PARD6G: variants seen among roughly 807,000 people sequenced by gnomAD.
PARD6G encodes partitioning defective 6 homolog gamma.
Under a neutral mutation model 10.7 loss-of-function variants are expected in PARD6G, and 7 were observed. The ratio of observed to expected loss-of-function variants is 0.66; its 90% CI spans 0.37 to 1.23. The LOEUF (loss-of-function observed/expected upper bound fraction) is 1.23, where lower values mean the gene tolerates loss of function less well. Ranked by LOEUF, PARD6G falls within the 50% of genes most tolerant of loss-of-function variation. The pLI is 0.02. For missense variants in PARD6G, 548 were observed against 571.8 expected, an observed-to-expected ratio of 0.96 and a Z score of 0.42; for synonymous variants, 287 against 269.4, an observed-to-expected ratio of 1.07 and a Z score of -0.64.
At chr18:80,187,730 G>C (rs1250211153) in intron 2 of PARD6G, 1 of 152,176 alleles carries the variant, frequency 6.6e-6, no homozygotes, top group Admixed American at 6.5e-5. Context: ...ATGCTTTGCA[G>C]GGTCAGGCCC....
rs995814162 is a variant in PARD6G, at chr18:80,182,987, G to A, written c.295+19723C>T. ...CCTCCCAGTCCTCCTTCGTCCTGAC[G>A]TGGCTCCCAGTGGAATGAGATGGCT... On this transcript the variant is annotated intron_variant, in intron 2 of 2. Coordinates refer to ENST00000353265, the MANE Select transcript of PARD6G (RefSeq NM_032510.4). This position sits in a 1 kb window ranked among gnomAD's most constrained non-coding sequence, Gnocchi z 4.5. 4 of 659,102 alleles carry A rather than the reference G, an allele frequency of 6.1e-6. No individual in the cohort carries two copies. Among genetic ancestry groups the A allele is most frequent in the Admixed American group, 2.2e-5 (1 of 46,220 alleles). The allele number at this position is 659,102 out of a possible 1,614,324, so 40.8% of individuals were successfully genotyped here.
chr18:80,237,606 C>A (rs1474101682), intron 1 of PARD6G, among the ~76,000 whole-genome samples: 1 of 152,126 alleles, frequency 6.6e-6, no homozygotes, highest in Non-Finnish European at 1.5e-5. Context: ...ACTCATCTGA[C>A]AAAGGGCTAA....
rs1014304694 is a variant in PARD6G at position 80,159,558 on chromosome 18, A to G, written c.*213T>C. Reference sequence around the variant, plus strand: ...GCCAAGACCTGCACTCAGGCCTGGTATAGAGTGTCTCTACAGGCGTTCATT... The same window carrying G: ...GCCAAGACCTGCACTCAGGCCTGGTGTAGAGTGTCTCTACAGGCGTTCATT... On this transcript the variant is annotated 3_prime_UTR_variant, in exon 3 of 3. Transcript: ENST00000353265. The G allele has an allele frequency of 1.7e-5, 11 of 658,568 alleles. No homozygotes were observed. The highest frequency in any genetic ancestry group is 3.8e-5 in the African/African-American group (2 of 52,600). The allele number at this position is 658,568 out of a possible 1,614,324, so 40.8% of individuals were successfully genotyped here.
intron 1 of PARD6G, among the ~76,000 whole-genome samples, chr18:80,237,122 A>C (rs910315822): frequency 3.9e-5 from 6 of 152,040 alleles, no homozygotes; most frequent in African/African-American, 1.5e-4. Context: ...ACAGTAACCA[A>C]AACAGCATGG....
At chr18:80,176,788 G>A (rs62101568) in intron 2 of PARD6G, among the ~76,000 whole-genome samples, 33,492 of 152,034 alleles carry the variant, frequency 0.22, 5,083 homozygotes, top group African/African-American at 0.43. Flanking sequence ...GTGCCGCGGC[G>A]GCCACAGGCA....
intron 2 of PARD6G, among the ~76,000 whole-genome samples, chr18:80,185,750 G>A (rs903657842): frequency 1.5e-5 from 2 of 131,718 alleles, no homozygotes; most frequent in African/African-American, 2.9e-5. Context: ...AGACATGCTC[G>A]CACACCCTCA....
intron 2 of PARD6G, among the ~76,000 whole-genome samples, chr18:80,166,529 C>A (rs965785466): frequency 7.4e-5 from 11 of 148,986 alleles, no homozygotes; most frequent in African/African-American, 2.7e-4. Flanking sequence ...GTTACAGCCT[C>A]CTCCATGGTC....
intron 1 of PARD6G, among the ~76,000 whole-genome samples, chr18:80,236,752 C>T (rs1391763483): frequency 1.3e-5 from 2 of 152,136 alleles, no homozygotes; most frequent in Non-Finnish European, 2.9e-5. Context: ...TTCACAATTG[C>T]TTCAAAGACA....
intron 1 of PARD6G, among the ~76,000 whole-genome samples, chr18:80,211,622 G>T (rs1316945584): frequency 6.6e-6 from 1 of 152,222 alleles, no homozygotes; most frequent in East Asian, 1.9e-4. Flanking sequence ...CATGTCCATA[G>T]CAGCATCATT....
At chr18:80,218,061 A>T (rs1036919729) in intron 1 of PARD6G, among the ~76,000 whole-genome samples, 5 of 152,172 alleles carry the variant, frequency 3.3e-5, no homozygotes, top group Admixed American at 2.6e-4. Flanking sequence ...CATGGGGATT[A>T]TAGGAACTAC....
intron 2 of PARD6G, among the ~76,000 whole-genome samples, chr18:80,176,906 T>A (rs189909666): frequency 8.1e-6 from 1 of 123,972 alleles, no homozygotes; most frequent in East Asian, 2.7e-4. Flanking sequence ...CACACACACA[T>A]ACACACACAG....
At chr18:80,219,498 C>T (rs1967207368) in intron 1 of PARD6G, among the ~76,000 whole-genome samples, 1 of 151,994 alleles carries the variant, frequency 6.6e-6, no homozygotes, top group Admixed American at 6.5e-5. Flanking sequence ...GCGTGAGCCA[C>T]TGCGCCCAGC....
At chr18:80,205,398 T>C (rs1267336172) in intron 1 of PARD6G, among the ~76,000 whole-genome samples, 1 of 152,224 alleles carries the variant, frequency 6.6e-6, no homozygotes, top group African/African-American at 2.4e-5. Context: ...AGCTCATATA[T>C]ACTCACACGG....
intron 1 of PARD6G, among the ~76,000 whole-genome samples, chr18:80,241,393 T>G (rs1229771012): frequency 6.6e-6 from 1 of 152,194 alleles, no homozygotes; most frequent in Non-Finnish European, 1.5e-5. Flanking sequence ...ATCTGTATAG[T>G]GGGTGTGATA....
At chr18:80,162,280 A>ATACCTGTAAACCCTGTTTACCCTGACG (rs2052705583) in intron 2 of PARD6G, 1 of 152,322 alleles carries the variant, frequency 6.6e-6, no homozygotes, top group Non-Finnish European at 1.5e-5. Flanking sequence ...TTTAAAAACT[A>ATACCTGTAAACCCTGTTTACCCTGACG]TACCTGTAAA....
At chr18:80,178,487 G>A (rs1291301884) in intron 2 of PARD6G, 1 of 152,358 alleles carries the variant, frequency 6.6e-6, no homozygotes, top group East Asian at 1.9e-4. Flanking sequence ...CCATAGAGAG[G>A]AGCATCCCTG....
intron 1 of PARD6G, among the ~76,000 whole-genome samples, chr18:80,212,499 C>A (rs1599866804): frequency 6.6e-6 from 1 of 152,212 alleles, no homozygotes; most frequent in South Asian, 2.1e-4. Flanking sequence ...GTGCTCATTA[C>A]AATTTTCACT....
chr18:80,208,494 A>G (rs564146005), intron 1 of PARD6G, among the ~76,000 whole-genome samples: 1 of 152,312 alleles, frequency 6.6e-6, no homozygotes, highest in East Asian at 1.9e-4. Flanking sequence ...CTGCTTCAAC[A>G]TCTGCTGGGC....
rs1487839114 is a variant in PARD6G at position 80,231,257 on chromosome 18, A to G, written c.72+16020T>C. Among the ~76,000 whole-genome samples the G allele has an allele frequency of 6.6e-6, 1 of 152,218 alleles. No homozygotes were observed. Among genetic ancestry groups the G allele is most frequent in the African/African-American group, 2.4e-5 (1 of 41,454 alleles). Reference sequence around the variant, plus strand: ...GGTGCTGGGGGTTGGCCTGGGCCCAAGTGTGTGAGGCGTGAGCACAGGCTG... The same window carrying G: ...GGTGCTGGGGGTTGGCCTGGGCCCAGGTGTGTGAGGCGTGAGCACAGGCTG... On this transcript the variant is annotated intron_variant, in intron 1 of 2. Coordinates refer to ENST00000353265, the MANE Select transcript of PARD6G (RefSeq NM_032510.4). This position sits in a 1 kb window ranked among gnomAD's most constrained non-coding sequence, Gnocchi z 4.2.
Sources: allele counts gnomAD v4.1 joint callset (sites outside exome capture counted in the v4.1 genomes callset), GRCh38; gene constraint gnomAD v4.1.1; non-coding constraint Gnocchi (gnomAD v3.1); transcripts MANE v1.5; gene names NCBI Gene and HGNC (gene_info 2026-07-23, HGNC 2026-07-21).